NFASC: variants seen among roughly 807,000 people sequenced by gnomAD.
NFASC encodes the protein neurofascin homolog.
Under a neutral mutation model 147.5 loss-of-function variants are expected in NFASC, and 43 were observed. That is an observed-to-expected ratio of 0.29 (90% CI 0.23 to 0.38). The LOEUF (loss-of-function observed/expected upper bound fraction) is 0.38, where lower values mean the gene tolerates loss of function less well. NFASC is among the 10% of genes least tolerant of loss of function. The pLI, the probability that NFASC is intolerant of heterozygous loss-of-function variation, is 1.00. For missense variants in NFASC, 1,320 were observed against 1,689.0 expected, an observed-to-expected ratio of 0.78 and a Z score of 3.83; for synonymous variants, 622 against 665.5, an observed-to-expected ratio of 0.93 and a Z score of 1.01.
In NFASC at chr1:204,958,709, A is replaced by G. The variant is rs894096630; in HGVS notation, c.706+883A>G. Among the ~76,000 whole-genome samples, 6 of 152,136 alleles carry G rather than the reference A, an allele frequency of 3.9e-5. No homozygotes were observed. In the East Asian group the frequency reaches 1.2e-3, roughly 29 times the overall value. Reference sequence around the variant, plus strand: ...ACTCATGCTGTGAGTGTTGTTTCTGATGCTCTGGACAGTGAGGATTGTTGG... The same window carrying G: ...ACTCATGCTGTGAGTGTTGTTTCTGGTGCTCTGGACAGTGAGGATTGTTGG... On this transcript the variant is annotated intron_variant, in intron 8 of 29. Transcript: ENST00000339876.
chr1:204,926,425 T>G (rs1323009375), intron 2 of NFASC, among the ~76,000 whole-genome samples: 1 of 118,808 alleles, frequency 8.4e-6, no homozygotes, highest in Non-Finnish European at 1.7e-5. Context: ...TTTTTTTTTT[T>G]TTTTTTTTGA....
intron 1 of NFASC, among the ~76,000 whole-genome samples, chr1:204,874,994 A>C (rs1312458082): frequency 6.6e-6 from 1 of 152,098 alleles, no homozygotes; most frequent in Non-Finnish European, 1.5e-5. Flanking sequence ...CATTTTATAG[A>C]TGGGGAAACA....
chr1:204,945,760 G>C (rs1553270454), intron 3 of NFASC, among the ~76,000 whole-genome samples: 1 of 152,242 alleles, frequency 6.6e-6, no homozygotes, highest in Non-Finnish European at 1.5e-5. Flanking sequence ...CTGCGAGGCT[G>C]GCTCGAGGAG....
In NFASC at chr1:204,888,150, C is replaced by T. The variant is rs191681407; in HGVS notation, c.-199-32482C>T. Among the ~76,000 whole-genome samples the T allele has an allele frequency of 7.0e-4, 106 of 152,276 alleles. 1 individual carries two copies. The highest frequency in any genetic ancestry group is 4.1e-3 in the South Asian group (20 of 4,828). On this transcript the variant is annotated intron_variant, in intron 1 of 29. Coordinates refer to ENST00000339876, the MANE Select transcript of NFASC (RefSeq NM_001005388.3). ...TGATTTCCGTGTCACCAGTTTCCAT[C>T]CATATTTGTCTCCCTCTTTGCCTTT... is the stretch of plus-strand genomic sequence containing the variant.
intron 21 of NFASC, among the ~76,000 whole-genome samples, chr1:204,982,561 C>T (rs1558359803): frequency 6.6e-6 from 1 of 152,354 alleles, no homozygotes; most frequent in South Asian, 2.1e-4. Flanking sequence ...GCTCCCGCTG[C>T]GGCTCCCAGC....
intron 2 of NFASC, among the ~76,000 whole-genome samples, chr1:204,936,757 C>T (rs1230946884): frequency 6.6e-6 from 1 of 152,224 alleles, no homozygotes; most frequent in Non-Finnish European, 1.5e-5. Context: ...ACAAGCAAAT[C>T]TCACCATGTC....
intron 5 of NFASC, among the ~76,000 whole-genome samples, chr1:204,953,914 G>A (rs2094286700): frequency 6.6e-6 from 1 of 152,146 alleles, no homozygotes; most frequent in Admixed American, 6.5e-5. Flanking sequence ...CTAACACTTA[G>A]AGCCACGAGT....
At chr1:204,845,610 A>G (rs896806731) in intron 1 of NFASC, among the ~76,000 whole-genome samples, 5 of 152,166 alleles carry the variant, frequency 3.3e-5, no homozygotes, top group Non-Finnish European at 7.3e-5. Context: ...ACCTTGAAAG[A>G]TGAAACTCTG....
chr1:204,906,671 G>A (rs2085955570), intron 1 of NFASC, among the ~76,000 whole-genome samples: 1 of 149,072 alleles, frequency 6.7e-6, no homozygotes, highest in Non-Finnish European at 1.5e-5. Context: ...GCAGTTTTTT[G>A]TGTGGACATA....
rs1311163827 is a variant in NFASC, at chr1:204,997,358, A to T, written c.2971A>T (p.Thr991Ser). The change falls in exon 25 of 30, where the codon ACG (threonine) becomes TCG (serine). Residue 991 changes from threonine to serine, a missense_variant. Transcript: ENST00000339876. The part of the protein sequence containing the change: ...TTTTAAATTT[T>S]ESPPTTTSGT... ...AACCACTGCTGCCGCCACCACCACC[A>T]CGGAGAGTCCTCCCACCACCACCTC... 1 of 1,555,734 alleles carries T rather than the reference A, an allele frequency of 6.4e-7. No homozygotes were observed. Among genetic ancestry groups the T allele is most frequent in the Non-Finnish European group, 8.7e-7 (1 of 1,149,448 alleles).
chr1:204,934,567 G>A (rs2092671093), intron 2 of NFASC, among the ~76,000 whole-genome samples: 1 of 152,138 alleles, frequency 6.6e-6, no homozygotes, highest in Non-Finnish European at 1.5e-5. Context: ...TGCCTTCCGG[G>A]TTATCCTCAG....
chr1:204,970,655 T>G lies in NFASC; in HGVS notation c.1043T>G (p.Leu348Arg). The G allele has an allele frequency of 6.2e-7, 1 of 1,614,172 alleles. No individual in the cohort carries two copies. The highest frequency in any genetic ancestry group is 2.2e-5 in the East Asian group (1 of 44,882). Reference protein sequence around the residue: ...YWLDEPKNLILAPGEDGRLVC... With the variant: ...YWLDEPKNLIRAPGEDGRLVC... ...CTGGACGAACCCAAGAACCTTATTC[T>G]GGCTCCTGGCGAGGATGGGAGACTG... The change falls in exon 11 of 30, where the codon CTG (leucine) becomes CGG (arginine). Residue 348 changes from leucine (L) to arginine (R), a missense_variant. Physicochemically the swap from Leu to Arg is moderately radical, Grantham distance 102. Around this residue, in one of 3 missense-constraint regions of NFASC, gnomAD observed 981 missense variants for 1,289.5 expected, o/e 0.76. Transcript: ENST00000339876.
At chr1:204,943,797 G>A (rs1162440038) in intron 2 of NFASC, among the ~76,000 whole-genome samples, 1 of 152,202 alleles carries the variant, frequency 6.6e-6, no homozygotes, top group Non-Finnish European at 1.5e-5. Flanking sequence ...CCAGATCGGT[G>A]CATGGCATCT....
chr1:204,899,945 C>G (rs2084186276), intron 1 of NFASC, among the ~76,000 whole-genome samples: 1 of 152,174 alleles, frequency 6.6e-6, no homozygotes, highest in Admixed American at 6.5e-5. Flanking sequence ...ATTTTCTCAT[C>G]TGTAAAGCGG....
chr1:204,845,630 G>A (rs1007017438), intron 1 of NFASC, among the ~76,000 whole-genome samples: 7 of 152,156 alleles, frequency 4.6e-5, no homozygotes, highest in Non-Finnish European at 7.3e-5. Context: ...GGCCAGGCAT[G>A]GTGGTTCACA....
intron 1 of NFASC, among the ~76,000 whole-genome samples, chr1:204,837,921 T>G (rs1674225543): frequency 6.6e-6 from 1 of 152,194 alleles, no homozygotes; most frequent in Non-Finnish European, 1.5e-5. Flanking sequence ...TGTAGCCTTG[T>G]AAGTTTTGCC....
rs908317689 is a variant in NFASC at position 205,015,492 on chromosome 1, C to T, written c.3492-816C>T. ...GCCTCCTCAGGAGCACAGCAGACATCCCAACTGGGTGGCTGTTCCCAGCGG... is the reference window on the plus strand; with the variant it reads ...GCCTCCTCAGGAGCACAGCAGACATTCCAACTGGGTGGCTGTTCCCAGCGG... On this transcript the variant is annotated intron_variant, in intron 29 of 29. Transcript: ENST00000339876. This position sits in a 1 kb window ranked among gnomAD's most constrained non-coding sequence, Gnocchi z 4.0. 3.3e-5 allele frequency among the ~76,000 whole-genome samples: 5 copies of T among 152,190 alleles called. No homozygotes were observed. Among genetic ancestry groups the T allele is most frequent in the South Asian group, 2.1e-4 (1 of 4,830 alleles).
At chr1:204,971,561 G>A (rs1474582415) in intron 11 of NFASC, among the ~76,000 whole-genome samples, 3 of 152,178 alleles carry the variant, frequency 2.0e-5, no homozygotes, top group Non-Finnish European at 2.9e-5. Flanking sequence ...AGAGGAGAGG[G>A]TAAGAATTTA....
chr1:204,984,225 T>G (rs1346040326), intron 21 of NFASC: 1 of 876,432 alleles, frequency 1.1e-6, no homozygotes, highest in Non-Finnish European at 1.9e-6. Context: ...TATAAGATAT[T>G]TGAAAGAAAC....
Sources: allele counts gnomAD v4.1 joint callset (sites outside exome capture counted in the v4.1 genomes callset), GRCh38; gene constraint gnomAD v4.1.1; regional missense constraint gnomAD v4.1.1; non-coding constraint Gnocchi (gnomAD v3.1); transcripts MANE v1.5; gene names NCBI Gene and HGNC (gene_info 2026-07-23, HGNC 2026-07-21).